The following CDH13 variants were observed in gnomAD, a reference collection of about 807,000 sequenced individuals.
CDH13 encodes cadherin 13.
CDH13 carries 24 observed loss-of-function variants against 63.8 expected under a neutral mutation model. That is an observed-to-expected ratio of 0.38 (90% confidence interval 0.27 to 0.53). CDH13 has a LOEUF of 0.53. Among genes scored for constraint, CDH13 ranks in the 20% least tolerant of loss-of-function variants. The pLI is 0.85. For missense variants in CDH13, 1,049 were observed against 903.1 expected (o/e 1.16, Z -2.07); for synonymous variants, 503 against 355.3 (o/e 1.42, Z -4.67).
At chr16:82,847,978 G>A (rs2039334153) in intron 1 of CDH13, among the ~76,000 whole-genome samples, 1 of 150,170 alleles carries the variant, frequency 6.7e-6, no homozygotes, top group Non-Finnish European at 1.5e-5. Flanking sequence ...TAAAAATGTA[G>A]AGATGAATCT....
At chr16:83,016,039 C>A (rs1914761342) in intron 2 of CDH13, among the ~76,000 whole-genome samples, 1 of 151,880 alleles carries the variant, frequency 6.6e-6, no homozygotes, top group Non-Finnish European at 1.5e-5. Flanking sequence ...AAATGAGATA[C>A]CTTTAACAAG....
intron 11 of CDH13, among the ~76,000 whole-genome samples, chr16:83,767,929 T>C (rs1027305143): frequency 2.6e-5 from 4 of 152,072 alleles, no homozygotes; most frequent in African/African-American, 7.2e-5. Context: ...GTGGTGATGG[T>C]CGCACAACTC....
At chr16:83,219,438 C>T (rs1356614946) in intron 5 of CDH13, among the ~76,000 whole-genome samples, 1 of 152,144 alleles carries the variant, frequency 6.6e-6, no homozygotes, top group African/African-American at 2.4e-5. Flanking sequence ...AAATTGTCTG[C>T]CTCAACTTCT....
At chr16:83,083,462 C>G (rs1221636011) in intron 3 of CDH13, among the ~76,000 whole-genome samples, 1 of 152,272 alleles carries the variant, frequency 6.6e-6, no homozygotes, top group South Asian at 2.1e-4. Context: ...GAACAAAATC[C>G]TTGCCCCCAT....
intron 1 of CDH13, among the ~76,000 whole-genome samples, chr16:82,803,990 G>A (rs1158832715): frequency 6.6e-6 from 1 of 152,184 alleles, no homozygotes; most frequent in Non-Finnish European, 1.5e-5. Context: ...AGCACTTTGG[G>A]AGGCTGAGGT....
intron 3 of CDH13, among the ~76,000 whole-genome samples, chr16:83,078,787 T>A (rs761030170): frequency 2.3e-4 from 35 of 152,172 alleles, no homozygotes; most frequent in Non-Finnish European, 4.7e-4. Context: ...TTTGTTTGTT[T>A]GTTTTGGTTT....
intron 2 of CDH13, among the ~76,000 whole-genome samples, chr16:82,910,226 C>A (rs1012130330): frequency 4.6e-5 from 7 of 152,162 alleles, no homozygotes; most frequent in African/African-American, 1.7e-4. Context: ...TGTTTGACAT[C>A]ATGCAGACTT....
chr16:82,721,029 A>G (rs2032737971), intron 1 of CDH13, among the ~76,000 whole-genome samples: 3 of 152,210 alleles, frequency 2.0e-5, no homozygotes, highest in South Asian at 4.1e-4. Context: ...CTGGCACAAA[A>G]CATTCATTTT....
chr16:83,309,742 A>G (rs188636460), intron 5 of CDH13, among the ~76,000 whole-genome samples: 2 of 151,620 alleles, frequency 1.3e-5, no homozygotes, highest in Admixed American at 1.3e-4. Flanking sequence ...GTATGGAAGC[A>G]CTCATGAGGA....
chr16:82,856,658 C>T (rs9928843), intron 1 of CDH13, among the ~76,000 whole-genome samples: 70,378 of 128,618 alleles, frequency 0.55, 19,098 homozygotes, highest in East Asian at 0.78. Flanking sequence ...GCCACAGTTG[C>T]ACTCCAGCCT....
chr16:82,666,937 G>C (rs1912655548), intron 1 of CDH13, among the ~76,000 whole-genome samples: 1 of 152,162 alleles, frequency 6.6e-6, no homozygotes, highest in Non-Finnish European at 1.5e-5. Context: ...AATGCAGTGT[G>C]TAGTTTCTGC....
At chr16:83,417,495 G>T (rs764043138) in intron 6 of CDH13, among the ~76,000 whole-genome samples, 14 of 152,114 alleles carry the variant, frequency 9.2e-5, no homozygotes, top group Non-Finnish European at 1.8e-4. Context: ...TTGCCTTCTT[G>T]CCTTCTTGCC....
At chr16:83,075,830 T>A (rs2032796449) in intron 3 of CDH13, among the ~76,000 whole-genome samples, 1 of 152,158 alleles carries the variant, frequency 6.6e-6, no homozygotes, top group Admixed American at 6.5e-5. Flanking sequence ...AATGGAGAGT[T>A]TGTGTTAGAA....
At chr16:83,290,400 T>A (rs1442184786) in intron 5 of CDH13, among the ~76,000 whole-genome samples, 1 of 152,100 alleles carries the variant, frequency 6.6e-6, no homozygotes, top group Non-Finnish European at 1.5e-5. Flanking sequence ...GTTTTTCCCA[T>A]GCTGTTCTCA....
chr16:83,734,649 G>A (rs937109005), intron 10 of CDH13, among the ~76,000 whole-genome samples: 1 of 151,080 alleles, frequency 6.6e-6, no homozygotes, highest in Non-Finnish European at 1.5e-5. Context: ...GAGTTAATGG[G>A]TGCAGCACAC....
rs191560481 is a variant in CDH13, at chr16:83,606,229, T to C, written c.1101+3635T>C. Among the ~76,000 whole-genome samples the C allele has an allele frequency of 2.6e-3, 396 of 152,326 alleles. 6 individuals carry two copies. The highest frequency in any genetic ancestry group is 5.1e-4 in the Non-Finnish European group (35 of 68,030). Reference sequence around the variant, plus strand: ...GTTGTCCTAAGTAAATTTTTTCATATCTTAGGACATTTCGAAGTTGATAAG... The same window carrying C: ...GTTGTCCTAAGTAAATTTTTTCATACCTTAGGACATTTCGAAGTTGATAAG... On this transcript the variant is annotated intron_variant, in intron 8 of 13. Transcript: ENST00000567109.
At chr16:83,337,066 G>A (rs1323944440) in intron 5 of CDH13, among the ~76,000 whole-genome samples, 1 of 152,148 alleles carries the variant, frequency 6.6e-6, no homozygotes, top group Non-Finnish European at 1.5e-5. Flanking sequence ...GGCCACGCAG[G>A]CTTTGTAATT....
intron 4 of CDH13, among the ~76,000 whole-genome samples, chr16:83,216,106 G>C: frequency 6.6e-6 from 1 of 151,124 alleles, no homozygotes; most frequent in South Asian, 2.1e-4. Flanking sequence ...TGCTGCCTTT[G>C]TCTGTGCTGT....
At chr16:82,636,860 T>A (rs1280572794) in intron 1 of CDH13, among the ~76,000 whole-genome samples, 1 of 151,982 alleles carries the variant, frequency 6.6e-6, no homozygotes, top group African/African-American at 2.4e-5. Flanking sequence ...AACCTGAGAG[T>A]TTCCTAAAAA....
Sources: allele counts gnomAD v4.1 joint callset (sites outside exome capture counted in the v4.1 genomes callset), GRCh38; gene constraint gnomAD v4.1.1; transcripts MANE v1.5; gene names NCBI Gene and HGNC (gene_info 2026-07-23, HGNC 2026-07-21).